The following NAT1 variants were observed in gnomAD, a reference collection of about 807,000 sequenced individuals.
The protein encoded by NAT1 is N-acetyltransferase 1, also known as arylamine N-acetyltransferase 1.
For missense variants in NAT1, 400 were observed against 339.2 expected (o/e 1.18, Z -1.41); for synonymous variants, 144 against 122.6 (o/e 1.17, Z -1.16).
chr8:18,205,719 T>C (rs977354277), upstream of NAT1, among the ~76,000 whole-genome samples: 2 of 152,086 alleles, frequency 1.3e-5, no homozygotes, highest in South Asian at 2.1e-4. Flanking sequence ...GAAGCTGCAG[T>C]GTGGAGAGGG....
At chr8:18,191,704 T>C (rs537931173) in intron 2 of NAT1, among the ~76,000 whole-genome samples, 12 of 152,304 alleles carry the variant, frequency 7.9e-5, no homozygotes, top group African/African-American at 2.6e-4. Context: ...TACAACTATC[T>C]GATCTTTGAC....
rs1190374653 is a variant in NAT1 at position 18,223,033 on chromosome 8, T to C, written c.*113T>C. 1.4e-6 allele frequency: 1 copy of C among 731,926 alleles called. No homozygotes were observed. The highest frequency in any genetic ancestry group is 1.9e-6 in the Non-Finnish European group (1 of 514,942). The allele number at this position is 731,926 out of a possible 1,614,324, so 45.3% of individuals were successfully genotyped here. The stretch of plus-strand genomic sequence containing the variant: ...CTTATTTTGAAGAAAATCCTAGACA[T>C]CAAATCATTTCACCTATAAAAATGT... On this transcript the variant is annotated 3_prime_UTR_variant, in exon 3 of 3. Coordinates refer to ENST00000307719, the MANE Select transcript of NAT1 (RefSeq NM_000662.8).
In NAT1 at chr8:18,222,974, C is replaced by T. The variant is rs764020267; in HGVS notation, c.*54C>T. 2 of 1,448,118 alleles carry T rather than the reference C, an allele frequency of 1.4e-6. No homozygotes were observed. Among genetic ancestry groups the T allele is most frequent in the Non-Finnish European group, 1.8e-6 (2 of 1,086,144 alleles). 89.7% of individuals were successfully genotyped at this position (1,448,118 alleles called of 1,614,324 possible). ...TGTCATCCAGCTCACCAGTTATCAA[C>T]TGACGACCTATCATGTATCTTCTGT... On this transcript the variant is annotated 3_prime_UTR_variant, in exon 3 of 3. Coordinates refer to ENST00000307719, the MANE Select transcript of NAT1 (RefSeq NM_000662.8).
upstream of NAT1, among the ~76,000 whole-genome samples, chr8:18,208,563 C>A (rs1289858330): frequency 6.6e-6 from 1 of 152,140 alleles, no homozygotes; most frequent in Non-Finnish European, 1.5e-5. Flanking sequence ...AACAAGGTGG[C>A]CAAATAGAAC....
At chr8:18,211,921 G>A (rs965845606) in intron 1 of NAT1, among the ~76,000 whole-genome samples, 2 of 152,188 alleles carry the variant, frequency 1.3e-5, no homozygotes, top group Non-Finnish European at 1.5e-5. Context: ...TGCAGCAGGC[G>A]TAGATGATTT....
chr8:18,211,833 GAAAAGAA>G (rs975738389), intron 1 of NAT1, among the ~76,000 whole-genome samples: 1 of 151,562 alleles, frequency 6.6e-6, no homozygotes, highest in Non-Finnish European at 1.5e-5. Flanking sequence ...GAAAAGAAAA[GAAAAGAA>G]AAAACACAGA....
At chr8:18,178,227 T>G (rs111925978) in intron 2 of NAT1, among the ~76,000 whole-genome samples, 290 of 152,184 alleles carry the variant, frequency 1.9e-3, no homozygotes, top group African/African-American at 6.7e-3. Context: ...TAGCAACTGT[T>G]TTGCATATTT....
At chr8:18,181,639 C>T (rs1563163370) in intron 2 of NAT1, among the ~76,000 whole-genome samples, 1 of 152,138 alleles carries the variant, frequency 6.6e-6, no homozygotes, top group Non-Finnish European at 1.5e-5. Context: ...TGAAAGTGGG[C>T]ATACTTGTCT....
intron 2 of NAT1, among the ~76,000 whole-genome samples, chr8:18,179,317 T>C (rs1485018056): frequency 1.3e-5 from 2 of 152,144 alleles, no homozygotes; most frequent in Non-Finnish European, 2.9e-5. Context: ...AAAAGGTAGA[T>C]AGGGAAGAGA....
intron 2 of NAT1, chr8:18,170,781 T>C (rs1030235020): frequency 3.3e-5 from 5 of 152,204 alleles, no homozygotes; most frequent in Non-Finnish European, 7.3e-5. Context: ...GGATCTCTTT[T>C]CTGGGCCTGA....
At chr8:18,188,932 C>A (rs1431967127) in intron 2 of NAT1, among the ~76,000 whole-genome samples, 1 of 135,250 alleles carries the variant, frequency 7.4e-6, no homozygotes, top group South Asian at 2.4e-4. Context: ...GAGGTGGAGA[C>A]TGCAGTGAGC....
chr8:18,212,261 T>C (rs914961550), intron 1 of NAT1: 1 of 152,232 alleles, frequency 6.6e-6, no homozygotes, highest in Non-Finnish European at 1.5e-5. Flanking sequence ...TGGTCAACTG[T>C]TGAATCTTGA....
chr8:18,199,774 T>C (rs1235510203), intron 2 of NAT1, among the ~76,000 whole-genome samples: 2 of 152,310 alleles, frequency 1.3e-5, no homozygotes, highest in Non-Finnish European at 2.9e-5. Flanking sequence ...AGCTGGGGGC[T>C]ACTCGTTTCT....
chr8:18,218,766 CACTTACTAGCTTG>C (rs1804963438), intron 1 of NAT1, among the ~76,000 whole-genome samples: 1 of 152,040 alleles, frequency 6.6e-6, no homozygotes, highest in Non-Finnish European at 1.5e-5. Context: ...TTGCATGACC[CACTTACTAGCTTG>C]ACTTTTCCCT....
At chr8:18,199,286 C>A (rs1243063221) in intron 2 of NAT1, among the ~76,000 whole-genome samples, 2 of 149,674 alleles carry the variant, frequency 1.3e-5, no homozygotes, top group African/African-American at 5.0e-5. Context: ...TGCACTCCAG[C>A]CTGGGCGACA....
Position 18,181,410 on chromosome 8 carries a change from AT to A in NAT1, n.92+10672del, listed in dbSNP as rs1189674591. Among the ~76,000 whole-genome samples, 4 of 152,272 alleles carry A rather than the reference AT, an allele frequency of 2.6e-5. No individual in the cohort carries two copies. In the East Asian group the frequency reaches 7.7e-4, roughly 29 times the overall value. On this transcript the variant is annotated intron_variant and non_coding_transcript_variant, in intron 2 of 4. Coordinates refer to the NAT1 transcript ENST00000517441. ...AAATAGAGATGCTATGGATTTTTAAATGTTGATTTTGCATCTTGCAACTTGA... is the reference window on the plus strand; with the variant it reads ...AAATAGAGATGCTATGGATTTTTAAAGTTGATTTTGCATCTTGCAACTTGA...
At chr8:18,183,836 T>C (rs1229718552) in intron 2 of NAT1, among the ~76,000 whole-genome samples, 1 of 152,166 alleles carries the variant, frequency 6.6e-6, no homozygotes, top group African/African-American at 2.4e-5. Context: ...CCTTACATCT[T>C]AAGGCTTGGA....
intron 2 of NAT1, 147 bp from the exon 3 acceptor site, chr8:18,221,895 G>A: frequency 1.2e-6 from 1 of 832,732 alleles, no homozygotes. Context: ...GTGTGTAAAA[G>A]GAATTCATAC....
chr8:18,170,528 C>T (rs951097661), intron 1 of NAT1: 2 of 152,152 alleles, frequency 1.3e-5, no homozygotes, highest in Admixed American at 6.6e-5. Context: ...TATGTCATTG[C>T]TTGTTCTCTG....
Sources: allele counts gnomAD v4.1 joint callset (sites outside exome capture counted in the v4.1 genomes callset), GRCh38; gene constraint gnomAD v4.1.1; transcripts MANE v1.5; gene names NCBI Gene and HGNC (gene_info 2026-07-23, HGNC 2026-07-21).